Variants in EPHA6 observed in about 807,000 individuals in gnomAD.
EPHA6 encodes the protein EPH receptor A6.
In EPHA6, 50 loss-of-function variants were observed where a neutral mutation model predicts 112.0. The ratio of observed to expected loss-of-function variants is 0.45; its 90% CI spans 0.36 to 0.56. The LOEUF (loss-of-function observed/expected upper bound fraction) is 0.56. EPHA6 is among the 20% of genes least tolerant of loss of function. The pLI, the probability that EPHA6 is intolerant of heterozygous loss-of-function variation, is 0.00. For missense variants in EPHA6, 1,280 were observed against 1,417.4 expected, an observed-to-expected ratio of 0.90 and a Z score of 1.56; for synonymous variants, 529 against 490.7, an observed-to-expected ratio of 1.08 and a Z score of -1.03.
At chr3:97,547,808 A>C (rs1163832141) in intron 11 of EPHA6, among the ~76,000 whole-genome samples, 1 of 152,074 alleles carries the variant, frequency 6.6e-6, no homozygotes, top group African/African-American at 2.4e-5. Context: ...TTGCAGCTGG[A>C]TCTTAGACTG....
At chr3:97,104,628 AG>A (rs2047509409) in intron 3 of EPHA6, among the ~76,000 whole-genome samples, 1 of 151,902 alleles carries the variant, frequency 6.6e-6, no homozygotes, top group Admixed American at 6.6e-5. Flanking sequence ...TGTCTCTGCT[AG>A]GTTTTGATAT....
chr3:97,284,558 G>T (rs555669725), intron 5 of EPHA6, among the ~76,000 whole-genome samples: 1 of 152,094 alleles, frequency 6.6e-6, no homozygotes, highest in East Asian at 1.9e-4. Context: ...TACTGAACTG[G>T]CTTTTCTAAA....
Position 97,752,147 on chromosome 3 carries a change from T to TA in EPHA6, c.*3450dup, listed in dbSNP as rs1462372691. The TA allele has an allele frequency of 5.4e-5, 12 of 223,670 alleles. No individual in the cohort carries two copies. The highest frequency in any genetic ancestry group is 1.7e-4 in the Admixed American group (3 of 17,432). 13.9% of individuals were successfully genotyped at this position (223,670 alleles called of 1,614,324 possible). A position where few individuals can be genotyped will look rare whatever the true frequency, so the allele number is the denominator to read the frequency against. The stretch of plus-strand genomic sequence containing the variant: ...TCTTATTTCACTCTGCATTGGTCTT[T>TA]AAAATCTATCAAAGTATAACCTGAA... On this transcript the variant is annotated 3_prime_UTR_variant, in exon 18 of 18. Transcript: ENST00000389672.
At chr3:97,628,517 CTGT>C (rs983589229) in intron 13 of EPHA6, among the ~76,000 whole-genome samples, 5 of 151,872 alleles carry the variant, frequency 3.3e-5, no homozygotes, top group Non-Finnish European at 7.4e-5. Flanking sequence ...ACTTCCTGAT[CTGT>C]TTTTTCAGGT....
intron 12 of EPHA6, among the ~76,000 whole-genome samples, chr3:97,609,440 G>T (rs2317212): frequency 0.32 from 47,817 of 151,076 alleles, 10,977 homozygotes; most frequent in African/African-American, 0.61. Flanking sequence ...TGACAGTTCA[G>T]TTGACCTCAA....
intron 16 of EPHA6, among the ~76,000 whole-genome samples, chr3:97,737,570 C>T (rs2035320129): frequency 6.6e-6 from 1 of 151,956 alleles, no homozygotes; most frequent in African/African-American, 2.4e-5. Flanking sequence ...CTTTCTTATA[C>T]AAGTTGGCTG....
chr3:97,616,898 C>G (rs2093771022), intron 13 of EPHA6, among the ~76,000 whole-genome samples: 1 of 152,094 alleles, frequency 6.6e-6, no homozygotes, highest in South Asian at 2.1e-4. Context: ...CCAAGCTAGA[C>G]AGGCCAACAT....
At chr3:96,956,988 G>A (rs2041788492) in intron 2 of EPHA6, among the ~76,000 whole-genome samples, 1 of 149,774 alleles carries the variant, frequency 6.7e-6, no homozygotes, top group African/African-American at 2.5e-5. Flanking sequence ...AGCCAAGATT[G>A]CACCACTGCA....
chr3:97,510,021 T>C (rs912676222), intron 10 of EPHA6, among the ~76,000 whole-genome samples: 1 of 152,248 alleles, frequency 6.6e-6, no homozygotes, highest in African/African-American at 2.4e-5. Flanking sequence ...TCTTGTGCTA[T>C]GTTTTTCAGC....
intron 7 of EPHA6, among the ~76,000 whole-genome samples, chr3:97,452,218 T>C (rs763973924): frequency 1.3e-5 from 2 of 151,856 alleles, no homozygotes; most frequent in Non-Finnish European, 2.9e-5. Flanking sequence ...GGAGATTCTC[T>C]AACTGGCTGA....
intron 14 of EPHA6, among the ~76,000 whole-genome samples, chr3:97,705,616 G>T (rs1388853292): frequency 6.6e-6 from 1 of 152,046 alleles, no homozygotes; most frequent in Non-Finnish European, 1.5e-5. Flanking sequence ...TGAATATTTG[G>T]CAGCAAGAAC....
At chr3:97,188,784 A>G (rs2077223891) in intron 3 of EPHA6, among the ~76,000 whole-genome samples, 1 of 151,966 alleles carries the variant, frequency 6.6e-6, no homozygotes, top group Non-Finnish European at 1.5e-5. Flanking sequence ...GAGTTATAGT[A>G]TTGCTGAAAG....
chr3:97,313,810 T>G (rs372885319), intron 5 of EPHA6, among the ~76,000 whole-genome samples: 6 of 151,798 alleles, frequency 4.0e-5, no homozygotes, highest in African/African-American at 1.4e-4. Flanking sequence ...GCAAATATTT[T>G]CTTCTAATCA....
At chr3:96,932,306 C>T (rs1414232307) in intron 2 of EPHA6, among the ~76,000 whole-genome samples, 1 of 152,160 alleles carries the variant, frequency 6.6e-6, no homozygotes, top group African/African-American at 2.4e-5. Context: ...GCCATCTTGG[C>T]CCCTCCATGC....
intron 14 of EPHA6, among the ~76,000 whole-genome samples, chr3:97,705,667 G>T (rs1198996590): frequency 1.3e-5 from 2 of 151,996 alleles, no homozygotes; most frequent in Admixed American, 6.6e-5. Context: ...AAAAGAAAAA[G>T]AACAGATCAA....
chr3:97,005,154 A>T (rs1169264942), intron 3 of EPHA6, among the ~76,000 whole-genome samples: 1 of 152,162 alleles, frequency 6.6e-6, no homozygotes, highest in African/African-American at 2.4e-5. Flanking sequence ...TTTGTGAAGA[A>T]TGTCAATGGT....
chr3:97,654,505 A>G (rs951151950), intron 14 of EPHA6, among the ~76,000 whole-genome samples: 1 of 151,982 alleles, frequency 6.6e-6, no homozygotes, highest in Non-Finnish European at 1.5e-5. Flanking sequence ...AGTGATAAAT[A>G]TTGGATATAC....
chr3:97,346,871 A>C (rs1324954022), intron 5 of EPHA6, among the ~76,000 whole-genome samples: 1 of 152,086 alleles, frequency 6.6e-6, no homozygotes, highest in Non-Finnish European at 1.5e-5. Context: ...TTTTCTGAGA[A>C]GCTTTTATTC....
At chr3:97,564,993 G>T (rs148806698) in intron 11 of EPHA6, among the ~76,000 whole-genome samples, 1 of 152,024 alleles carries the variant, frequency 6.6e-6, no homozygotes, top group African/African-American at 2.4e-5. Context: ...AGTAACTCTC[G>T]CCAGCACAGA....
Sources: gnomAD v4.1 joint callset for allele counts (sites outside exome capture counted in the v4.1 genomes callset) on GRCh38, gnomAD v4.1.1 for gene constraint, MANE v1.5 for transcripts, NCBI Gene and HGNC (gene_info 2026-07-23, HGNC 2026-07-21) for gene names.